MAST4: variants seen among roughly 807,000 people sequenced by gnomAD.
MAST4 encodes microtubule associated serine/threonine kinase family member 4.
In MAST4, 89 loss-of-function variants were observed where a neutral mutation model predicts 162.7. The ratio of observed to expected loss-of-function variants is 0.55; its 90% CI spans 0.46 to 0.65. The LOEUF is 0.65. Among genes scored for constraint, MAST4 ranks in the 30% least tolerant of loss-of-function variants. MAST4 has a pLI of 0.00. For synonymous variants in MAST4, 1,479 were observed against 1,361.1 expected (o/e 1.09, Z -1.91); for missense variants, 3,153 against 3,374.0 (o/e 0.93, Z 1.62).
intron 5 of MAST4, among the ~76,000 whole-genome samples, chr5:67,075,483 GT>G (rs5868474): frequency 1 from 151,940 of 152,070 alleles, 75,906 homozygotes; most frequent in Non-Finnish European, 1. Context: ...GCTTTGGAGT[GT>G]TTTTTTTATG....
chr5:66,797,898 G>A (rs993169985), intron 3 of MAST4, among the ~76,000 whole-genome samples: 2 of 152,150 alleles, frequency 1.3e-5, no homozygotes, highest in African/African-American at 4.8e-5. Flanking sequence ...TAGTTGAGAA[G>A]GCAGAGGAAC....
At chr5:66,810,487 C>T (rs900703442) in intron 3 of MAST4, among the ~76,000 whole-genome samples, 1 of 152,162 alleles carries the variant, frequency 6.6e-6, no homozygotes, top group African/African-American at 2.4e-5. Context: ...TGGCACACAT[C>T]TACCCATATT....
chr5:66,737,519 CTA>C (rs926522683), intron 1 of MAST4, among the ~76,000 whole-genome samples: 1 of 152,136 alleles, frequency 6.6e-6, no homozygotes, highest in Non-Finnish European at 1.5e-5. Flanking sequence ...ATTTGTCTGC[CTA>C]TTATAAGATC....
chr5:66,723,814 A>C (rs1751356901), intron 1 of MAST4, among the ~76,000 whole-genome samples: 1 of 152,202 alleles, frequency 6.6e-6, no homozygotes, highest in Non-Finnish European at 1.5e-5. Flanking sequence ...TACTTTAAAC[A>C]AAATTACATT....
intron 1 of MAST4, among the ~76,000 whole-genome samples, chr5:66,673,208 C>G (rs1747717717): frequency 6.6e-6 from 1 of 152,000 alleles, no homozygotes; most frequent in Non-Finnish European, 1.5e-5. Flanking sequence ...CAGTTTTATA[C>G]ATTTAAATTA....
At chr5:67,037,490 G>A (rs916271039) in intron 4 of MAST4, among the ~76,000 whole-genome samples, 1 of 152,238 alleles carries the variant, frequency 6.6e-6, no homozygotes, top group East Asian at 1.9e-4. Flanking sequence ...GCATTTGGAG[G>A]ACAGAAGAAG....
intron 7 of MAST4, 49 bp downstream of exon 7, chr5:67,095,724 G>A: frequency 1.5e-6 from 2 of 1,361,604 alleles, no homozygotes; most frequent in Non-Finnish European, 2.0e-6. Flanking sequence ...CAACAACAGA[G>A]CTATTACACA....
At chr5:66,701,518 C>A (rs1273461442) in intron 1 of MAST4, among the ~76,000 whole-genome samples, 2 of 152,106 alleles carry the variant, frequency 1.3e-5, no homozygotes, top group African/African-American at 2.4e-5. Context: ...GTACATTAGG[C>A]CTTGGTTTTC....
intron 3 of MAST4, among the ~76,000 whole-genome samples, chr5:66,820,591 A>G (rs1468437336): frequency 6.6e-6 from 1 of 152,210 alleles, no homozygotes; most frequent in Non-Finnish European, 1.5e-5. Flanking sequence ...ACACTCTCAT[A>G]TGAAAAAAAT....
chr5:67,147,618 G>T (rs1771259413), intron 23 of MAST4, among the ~76,000 whole-genome samples: 1 of 152,210 alleles, frequency 6.6e-6, no homozygotes, highest in South Asian at 2.1e-4. Context: ...ATTGTAAAGA[G>T]ATTCAGCTTT....
intron 3 of MAST4, among the ~76,000 whole-genome samples, chr5:66,802,407 T>C (rs1196747536): frequency 6.6e-6 from 1 of 152,188 alleles, no homozygotes; most frequent in Non-Finnish European, 1.5e-5. Flanking sequence ...GAATTATGGC[T>C]CTTTGAAAAC....
At chr5:66,854,721 G>T (rs1456511131) in intron 3 of MAST4, among the ~76,000 whole-genome samples, 1 of 152,062 alleles carries the variant, frequency 6.6e-6, no homozygotes, top group East Asian at 1.9e-4. Context: ...GTCCTTAGAA[G>T]TGAACCACTA....
At chr5:66,957,464 A>G (rs1020683661) in intron 4 of MAST4, among the ~76,000 whole-genome samples, 1 of 151,952 alleles carries the variant, frequency 6.6e-6, no homozygotes, top group Non-Finnish European at 1.5e-5. Flanking sequence ...ATATCTTTTT[A>G]GTATTTCCTT....
intron 1 of MAST4, among the ~76,000 whole-genome samples, chr5:66,758,578 C>T (rs994002009): frequency 2.0e-5 from 3 of 151,944 alleles, no homozygotes; most frequent in Non-Finnish European, 2.9e-5. Context: ...CACTGCGCTC[C>T]GCCTGTGCAA....
chr5:66,967,483 G>C (rs144000099), intron 4 of MAST4, among the ~76,000 whole-genome samples: 363 of 152,212 alleles, frequency 2.4e-3, no homozygotes, highest in African/African-American at 8.2e-3. Context: ...GGAGGTTGTG[G>C]TAAGACAAAT....
At chr5:66,870,950 C>T in intron 3 of MAST4, 1 of 433,998 alleles carries the variant, frequency 2.3e-6, no homozygotes. Flanking sequence ...TGGTATATTC[C>T]AGGGCTTTAG....
chr5:67,055,024 T>C (rs1342667004), intron 5 of MAST4, among the ~76,000 whole-genome samples: 5 of 151,732 alleles, frequency 3.3e-5, no homozygotes, highest in Non-Finnish European at 5.9e-5. Flanking sequence ...TTTTTTTTTC[T>C]TCAAAGTTCT....
At chr5:66,857,041 A>G (rs907129890) in intron 3 of MAST4, among the ~76,000 whole-genome samples, 3 of 152,228 alleles carry the variant, frequency 2.0e-5, no homozygotes, top group African/African-American at 7.2e-5. Context: ...AGGAAATGTA[A>G]CAGGACCGAA....
intron 4 of MAST4, among the ~76,000 whole-genome samples, chr5:66,982,857 C>G (rs771328911): frequency 6.6e-6 from 1 of 152,188 alleles, no homozygotes; most frequent in Non-Finnish European, 1.5e-5. Flanking sequence ...ACTGTTGGAG[C>G]GTGGTGCCCT....
Sources: gnomAD v4.1 joint callset for allele counts (sites outside exome capture counted in the v4.1 genomes callset) on GRCh38, gnomAD v4.1.1 for gene constraint, MANE v1.5 for transcripts, NCBI Gene and HGNC (gene_info 2026-07-23, HGNC 2026-07-21) for gene names.